Variants in NCK2 observed in about 807,000 individuals in gnomAD.
The protein encoded by NCK2 is cytoplasmic protein NCK2.
A neutral mutation model predicts 33.9 loss-of-function variants in NCK2; 16 were observed. The observed-to-expected ratio is 0.47, with a 90% CI of 0.32 to 0.72. The LOEUF is 0.72. NCK2 is among the 30% of genes least tolerant of loss of function. NCK2 has a pLI of 0.03. For missense variants in NCK2, 418 were observed against 537.3 expected (o/e 0.78, Z 2.19); for synonymous variants, 273 against 239.9 (o/e 1.14, Z -1.27).
chr2:105,790,262 G>T (rs568030820), intron 1 of NCK2, among the ~76,000 whole-genome samples: 36 of 152,350 alleles, frequency 2.4e-4, no homozygotes, highest in Admixed American at 2.2e-3. Context: ...TGACAGACTC[G>T]TTTCTTGGCT....
At chr2:105,860,830 T>C (rs1677498651) in intron 3 of NCK2, among the ~76,000 whole-genome samples, 2 of 150,420 alleles carry the variant, frequency 1.3e-5, no homozygotes, top group East Asian at 3.9e-4. Flanking sequence ...CTCTCATGCT[T>C]GGATTAACCA....
intron 3 of NCK2, among the ~76,000 whole-genome samples, chr2:105,876,767 G>A (rs1678251104): frequency 6.6e-6 from 1 of 152,236 alleles, no homozygotes; most frequent in South Asian, 2.1e-4. Context: ...AGGCGATGAA[G>A]CGGAGATGTG....
intron 4 of NCK2, among the ~76,000 whole-genome samples, chr2:105,887,412 G>A (rs941098679): frequency 6.6e-6 from 1 of 152,212 alleles, no homozygotes; most frequent in Non-Finnish European, 1.5e-5. Flanking sequence ...TCTGGGGGTA[G>A]AAGGAGATGT....
intron 2 of NCK2, among the ~76,000 whole-genome samples, chr2:105,844,570 A>C (rs1573192715): frequency 2.3e-5 from 3 of 128,128 alleles, no homozygotes; most frequent in Admixed American, 1.8e-4. Context: ...AAAGTAGAAA[A>C]AAACAAAAAA....
At chr2:105,847,082 C>T (rs1479250300) in intron 2 of NCK2, 4 of 152,126 alleles carry the variant, frequency 2.6e-5, no homozygotes, top group African/African-American at 9.7e-5. Flanking sequence ...CAAGTGATTC[C>T]ACTTAAATGA....
chr2:105,892,868 A>G, intron 4 of NCK2, 114 bp from the exon 5 acceptor site: 1 of 763,782 alleles, frequency 1.3e-6, no homozygotes, highest in Non-Finnish European at 2.0e-6. Context: ...AAAAGCAGAG[A>G]CCCAGTGTTT....
At position 105,880,936 on chromosome 2, in the gene NCK2, A is replaced by ATTTTTTTT. The variant is rs59005322; in HGVS notation, c.227-367_227-360dup. 5.3e-4 allele frequency among the ~76,000 whole-genome samples: 55 copies of ATTTTTTTT among 103,554 alleles called. 2 individuals are homozygous for ATTTTTTTT. Among genetic ancestry groups the ATTTTTTTT allele is most frequent in the South Asian group, 1.0e-3 (3 of 3,004 alleles). The allele number at this position is 103,554 out of a possible 152,430, so 67.9% of individuals were successfully genotyped here. ...CACAGATGTGCACCACAGGTGGCTA[A>ATTTTTTTT]TTTTTTTTTTTTTTTTTTTTTTTTT... On this transcript the variant is annotated intron_variant, in intron 3 of 4. Coordinates refer to ENST00000233154, the MANE Select transcript of NCK2 (RefSeq NM_003581.5).
chr2:105,855,541 G>T (rs369245379), intron 3 of NCK2: 1 of 363,054 alleles, frequency 2.8e-6, no homozygotes, highest in Admixed American at 4.2e-5. Context: ...CCCTGCACAG[G>T]TATCTCCTTG....
chr2:105,869,654 GTGC>G (rs1268280198), intron 3 of NCK2, among the ~76,000 whole-genome samples: 2 of 152,122 alleles, frequency 1.3e-5, no homozygotes, highest in Admixed American at 1.3e-4. Flanking sequence ...AACAGCAGGC[GTGC>G]TGAACTTTTG....
chr2:105,878,646 G>A (rs1373913469), intron 3 of NCK2, among the ~76,000 whole-genome samples: 14 of 152,300 alleles, frequency 9.2e-5, no homozygotes. Context: ...ACTTATCATG[G>A]TTCCCTGAGC....
chr2:105,757,943 C>T (rs1484742973), intron 1 of NCK2, among the ~76,000 whole-genome samples: 1 of 142,078 alleles, frequency 7.0e-6, no homozygotes, highest in Non-Finnish European at 1.6e-5. Context: ...GTCTCCACCA[C>T]AGCTGGGGTG....
intron 2 of NCK2, among the ~76,000 whole-genome samples, chr2:105,827,069 G>A (rs1422753592): frequency 1.3e-5 from 2 of 151,506 alleles, no homozygotes; most frequent in Non-Finnish European, 2.9e-5. Context: ...GCACGATCTC[G>A]GCTCACTGCA....
At position 105,879,049 on chromosome 2, in the gene NCK2, G is replaced by A. The variant is rs142421290; in HGVS notation, c.227-2279G>A. Among the ~76,000 whole-genome samples, 451 of 152,274 alleles carry A rather than the reference G, an allele frequency of 3.0e-3. 1 individual carries two copies. Among genetic ancestry groups the A allele is most frequent in the African/African-American group, 7.8e-3 (325 of 41,548 alleles). ...ATCAGTTATAAAGTGTCTTTATAACGTATTGTGATGGCCACTATCAAATGT... is the reference window on the plus strand; with the variant it reads ...ATCAGTTATAAAGTGTCTTTATAACATATTGTGATGGCCACTATCAAATGT... On this transcript the variant is annotated intron_variant, in intron 3 of 4. Transcript: ENST00000233154.
At chr2:105,859,927 C>G (rs758239011) in intron 3 of NCK2, among the ~76,000 whole-genome samples, 53 of 152,172 alleles carry the variant, frequency 3.5e-4, no homozygotes, top group Non-Finnish European at 6.8e-4. Context: ...AAGCTGACTG[C>G]TTATTTCTGT....
chr2:105,793,826 T>G (rs754409792), intron 1 of NCK2, among the ~76,000 whole-genome samples: 1 of 152,182 alleles, frequency 6.6e-6, no homozygotes, highest in Non-Finnish European at 1.5e-5. Context: ...CAGGCTCCTT[T>G]AGACAGTGCC....
chr2:105,881,466 A>T lies in NCK2; in HGVS notation c.365A>T (p.Tyr122Phe), dbSNP rs1200674888. Residue 122 changes from tyrosine (Y) to phenylalanine (F), a missense_variant, in exon 4 of 5, where the codon TAT becomes TTT. Transcript: ENST00000233154. ...LNIPAFVKFA[Y>F]VAEREDELSL... ...ATCCCGGCCTTCGTCAAGTTCGCCT[A>T]TGTGGCCGAGCGGGAGGATGAGTTG... 6.2e-7 allele frequency: 1 copy of T among 1,613,866 alleles called. No homozygotes were observed. Among genetic ancestry groups the T allele is most frequent in the Non-Finnish European group, 8.5e-7 (1 of 1,179,990 alleles).
chr2:105,764,237 A>AC (rs1689861061), intron 1 of NCK2, among the ~76,000 whole-genome samples: 1 of 152,236 alleles, frequency 6.6e-6, no homozygotes, highest in African/African-American at 2.4e-5. Flanking sequence ...CACCTGTGGC[A>AC]CCACAGCCTT....
At chr2:105,815,369 G>T (rs373215267) in intron 1 of NCK2, among the ~76,000 whole-genome samples, 11 of 152,204 alleles carry the variant, frequency 7.2e-5, no homozygotes, top group Admixed American at 7.2e-4. Context: ...AATAGAATTC[G>T]ATTTTTCTAT....
At chr2:105,835,423 A>ATATATATACG (rs59154186) in intron 2 of NCK2, among the ~76,000 whole-genome samples, 1 of 102,110 alleles carries the variant, frequency 9.8e-6, no homozygotes, top group Non-Finnish European at 2.0e-5. Context: ...ATATATATAT[A>ATATATATACG]TTTTTTTTTT....
Sources: allele counts gnomAD v4.1 joint callset (sites outside exome capture counted in the v4.1 genomes callset), GRCh38; gene constraint gnomAD v4.1.1; transcripts MANE v1.5; gene names NCBI Gene and HGNC (gene_info 2026-07-23, HGNC 2026-07-21).